Variants in EPHX1 observed in about 807,000 individuals in gnomAD.
EPHX1 encodes epoxide hydrolase 1.
Under a neutral mutation model 43.2 loss-of-function variants are expected in EPHX1, and 40 were observed. The observed-to-expected ratio is 0.93, with a 90% CI of 0.72 to 1.21. EPHX1 has a LOEUF of 1.21. EPHX1 is among the 50% of genes most tolerant of loss of function. The pLI, the probability that EPHX1 is intolerant of heterozygous loss-of-function variation, is 0.00. For missense variants in EPHX1, 550 were observed against 570.4 expected (o/e 0.96, Z 0.36); for synonymous variants, 221 against 226.7 (o/e 0.98, Z 0.22).
At position 225,844,560 on chromosome 1, in the gene EPHX1, T is replaced by C; in HGVS notation, c.1103T>C (p.Ile368Thr). Residue 368 changes from isoleucine to threonine, a missense_variant, in exon 8 of 9, where the codon ATC becomes ACC. By Grantham distance (89) the Ile-to-Thr change is moderately conservative. Transcript: ENST00000272167. ...CTCTACTGGACAACAGGCACCATCATCTCCTCCCAGCGCTTCTACAAGGAG... is the reference window on the plus strand; with the variant it reads ...CTCTACTGGACAACAGGCACCATCACCTCCTCCCAGCGCTTCTACAAGGAG... ...VMLYWTTGTI[I>T]SSQRFYKENL... 8 of 1,614,002 alleles carry C rather than the reference T, an allele frequency of 5.0e-6. No homozygotes were observed. The highest frequency in any genetic ancestry group is 5.9e-6 in the Non-Finnish European group (7 of 1,179,978).
intron 8 of EPHX1, 143 bp downstream of exon 8, chr1:225,844,766 C>T (rs1668788380): frequency 1.2e-5 from 17 of 1,374,216 alleles, no homozygotes; most frequent in South Asian, 8.0e-5. Context: ...GATGGGAACA[C>T]TAAAGGTCGA....
rs1187440103 is a variant in EPHX1 at position 225,844,538 on chromosome 1, T to C, written c.1081T>C (p.Tyr361His). 1.2e-6 allele frequency: 2 copies of C among 1,614,178 alleles called. No homozygotes were observed. Among genetic ancestry groups the C allele is most frequent in the African/African-American group, 1.3e-5 (1 of 75,038 alleles). ...CGACCTGCTGACCAACGTCATGCTC[T>C]ACTGGACAACAGGCACCATCATCTC... ...LDDLLTNVMLYWTTGTIISSQ... is the reference protein window; with the variant it reads ...LDDLLTNVMLHWTTGTIISSQ... The change falls in exon 8 of 9, where the codon TAC (tyrosine) becomes CAC (histidine). Residue 361 changes from tyrosine to histidine, a missense_variant. By Grantham distance (83) the Tyr-to-His change is moderately conservative (BLOSUM62 2). Transcript: ENST00000272167.
In EPHX1 at chr1:225,828,752, C is replaced by T; in HGVS notation, c.23C>T (p.Thr8Ile). The T allele has an allele frequency of 1.2e-6, 2 of 1,613,290 alleles. No homozygotes were observed. The highest frequency in any genetic ancestry group is 1.1e-5 in the South Asian group (1 of 91,012). Residue 8 changes from threonine (T) to isoleucine (I), a missense_variant, in exon 2 of 9, where the codon ACT becomes ATT. Thr to Ile is a moderately conservative substitution (Grantham distance 89). Coordinates refer to ENST00000272167, the MANE Select transcript of EPHX1 (RefSeq NM_001136018.4). The part of the protein sequence containing the change: MWLEILL[T>I]SVLGFAIYWF... ...GCCATGTGGCTAGAAATCCTCCTCA[C>T]TTCAGTGCTGGGCTTTGCCATCTAC...
At chr1:225,819,900 A>T (rs1424420287) in intron 1 of EPHX1, among the ~76,000 whole-genome samples, 1 of 152,188 alleles carries the variant, frequency 6.6e-6, no homozygotes, top group Non-Finnish European at 1.5e-5. Flanking sequence ...AAAATTAAAA[A>T]TCCTTTGCTA....
intron 1 of EPHX1, among the ~76,000 whole-genome samples, chr1:225,823,842 A>G (rs2854457): frequency 1 from 152,328 of 152,328 alleles, 76,164 homozygotes; most frequent in Non-Finnish European, 1. Flanking sequence ...GGACAGAGGG[A>G]GTCTCCACGG....
At chr1:225,832,178 T>C in intron 3 of EPHX1, 2 of 580,722 alleles carry the variant, frequency 3.4e-6, no homozygotes, top group Non-Finnish European at 6.2e-6. Flanking sequence ...ACATGCAATT[T>C]AAAAACCAAA....
At chr1:225,813,003 C>A (rs1666556687) in intron 1 of EPHX1, among the ~76,000 whole-genome samples, 1 of 152,218 alleles carries the variant, frequency 6.6e-6, no homozygotes, top group Admixed American at 6.5e-5. Flanking sequence ...CCAGCTCTGC[C>A]ATTAATGTGT....
rs899257020 is a variant in EPHX1 at position 225,839,242 on chromosome 1, G to T, written c.618G>T (p.Arg206Ser). The T allele has an allele frequency of 1.2e-6, 2 of 1,614,136 alleles. No homozygotes were observed. Among genetic ancestry groups the T allele is most frequent in the Non-Finnish European group, 8.5e-7 (1 of 1,180,022 alleles). ...KKGFNSVATA[R>S]IFYKLMLRLG... is the part of the protein sequence containing the mutation. The stretch of plus-strand genomic sequence containing the variant: ...GGTTCAACTCGGTGGCCACCGCCAG[G>T]ATCTTTTACAAGCTGATGCTGCGGC... Residue 206 changes from arginine (R) to serine (S), a missense_variant, in exon 5 of 9, where the codon AGG becomes AGT. Coordinates refer to ENST00000272167, the MANE Select transcript of EPHX1 (RefSeq NM_001136018.4).
At chr1:225,827,246 A>G (rs567785054) in intron 1 of EPHX1, among the ~76,000 whole-genome samples, 1 of 152,128 alleles carries the variant, frequency 6.6e-6, no homozygotes, top group African/African-American at 2.4e-5. Context: ...TGGGTTTCCA[A>G]GACAGAGCGA....
intron 1 of EPHX1, among the ~76,000 whole-genome samples, chr1:225,824,491 T>C (rs1337135855): frequency 6.6e-6 from 1 of 152,192 alleles, no homozygotes; most frequent in African/African-American, 2.4e-5. Context: ...TGTGGCTCTT[T>C]AGTGGGTGGA....
intron 3 of EPHX1, among the ~76,000 whole-genome samples, chr1:225,835,667 G>A (rs181179330): frequency 1.9e-3 from 291 of 150,922 alleles, no homozygotes; most frequent in Admixed American, 4.7e-3. Context: ...GGGATTACAG[G>A]TATGAGCCAC....
At chr1:225,830,977 A>G (rs1667554692) in intron 2 of EPHX1, among the ~76,000 whole-genome samples, 1 of 152,256 alleles carries the variant, frequency 6.6e-6, no homozygotes, top group Non-Finnish European at 1.5e-5. Flanking sequence ...TATAGCAGTC[A>G]GATTTCAGTG....
chr1:225,831,666 A>C, intron 2 of EPHX1, 113 bp from the exon 3 acceptor site: 1 of 1,038,290 alleles, frequency 9.6e-7, no homozygotes, highest in Non-Finnish European at 1.5e-6. Flanking sequence ...TGCCACTCCC[A>C]GAGGGCAGTA....
chr1:225,836,348 C>A (rs1426098162), intron 3 of EPHX1, among the ~76,000 whole-genome samples: 3 of 152,224 alleles, frequency 2.0e-5, no homozygotes, highest in Admixed American at 6.5e-5. Flanking sequence ...AATCCCAACA[C>A]TTTGAGAGGC....
At position 225,844,499 on chromosome 1, in the gene EPHX1, A is replaced by G; in HGVS notation, c.1042A>G (p.Lys348Glu). Reference sequence around the variant, plus strand: ...GGGCTTTGTGTTCTGCGTTCCCAGGAAGTTCTCCCTGGACGACCTGCTGAC... The same window carrying G: ...GGGCTTTGTGTTCTGCGTTCCCAGGGAGTTCTCCCTGGACGACCTGCTGAC... ...RYLEDGGLERKFSLDDLLTNV... is the reference protein window; with the variant it reads ...RYLEDGGLEREFSLDDLLTNV... The change falls in exon 8 of 9, where the codon AAG (lysine) becomes GAG (glutamate). Residue 348 changes from lysine to glutamate, a missense_variant and splice_region_variant. Physicochemically the swap from Lys to Glu is moderately conservative, Grantham distance 56. Transcript: ENST00000272167. The G allele has an allele frequency of 1.2e-6, 2 of 1,614,062 alleles. No individual in the cohort carries two copies. Among genetic ancestry groups the G allele is most frequent in the Non-Finnish European group, 1.7e-6 (2 of 1,180,008 alleles).
intron 1 of EPHX1, among the ~76,000 whole-genome samples, chr1:225,827,932 A>C (rs1280424690): frequency 1.3e-5 from 2 of 152,084 alleles, no homozygotes; most frequent in African/African-American, 4.8e-5. Context: ...TGCCCTGAGG[A>C]TAAGCCTCTC....
chr1:225,813,859 C>G (rs1666600726), intron 1 of EPHX1, among the ~76,000 whole-genome samples: 1 of 152,146 alleles, frequency 6.6e-6, no homozygotes, highest in Non-Finnish European at 1.5e-5. Flanking sequence ...CAAGGCCTAA[C>G]TGAGCAAGCT....
At chr1:225,826,250 G>T (rs1245096095) in intron 1 of EPHX1, among the ~76,000 whole-genome samples, 4 of 151,980 alleles carry the variant, frequency 2.6e-5, no homozygotes, top group South Asian at 2.1e-4. Context: ...GATCGCTGGA[G>T]GTCAGGAGTT....
rs1668843881 is a variant in EPHX1, at chr1:225,845,136, T to C, written c.1167-10T>C. 1 of 1,613,818 alleles carries C rather than the reference T, an allele frequency of 6.2e-7. No homozygotes were observed. Among genetic ancestry groups the C allele is most frequent in the African/African-American group, 1.3e-5 (1 of 74,882 alleles). The stretch of plus-strand genomic sequence containing the variant: ...CAGCCTCACCCCTCCGTCGGCTCTT[T>C]CACTTCCAGGATGAAGGTCTATGTG... On this transcript the variant is annotated splice_polypyrimidine_tract_variant and intron_variant, in intron 8 of 8. Transcript: ENST00000272167.
Sources: allele counts gnomAD v4.1 joint callset (sites outside exome capture counted in the v4.1 genomes callset), GRCh38; gene constraint gnomAD v4.1.1; transcripts MANE v1.5; gene names NCBI Gene and HGNC (gene_info 2026-07-23, HGNC 2026-07-21).